LIMA1: variants seen among roughly 807,000 people sequenced by gnomAD.
The protein encoded by LIMA1 is LIM domain and actin binding 1.
Under a neutral mutation model 62.6 loss-of-function variants are expected in LIMA1, and 52 were observed. That is an observed-to-expected ratio of 0.83 (90% confidence interval 0.67 to 1.05). The LOEUF is 1.05. LIMA1 is among the 50% of genes least tolerant of loss of function. The pLI is 0.00. For synonymous variants in LIMA1, 302 were observed against 317.8 expected (o/e 0.95, Z 0.53); for missense variants, 780 against 902.2 (o/e 0.86, Z 1.74).
intron 8 of LIMA1, among the ~76,000 whole-genome samples, chr12:50,192,828 G>A (rs1940808084): frequency 6.6e-6 from 1 of 152,154 alleles, no homozygotes; most frequent in African/African-American, 2.4e-5. Flanking sequence ...TCTGTATAAA[G>A]AACTTTCTTC....
chr12:50,192,061 G>A (rs185559128), intron 9 of LIMA1, among the ~76,000 whole-genome samples: 2 of 151,230 alleles, frequency 1.3e-5, no homozygotes, highest in South Asian at 2.1e-4. Flanking sequence ...CTTGAACATG[G>A]GGGGGCGGAG....
chr12:50,233,827 T>C lies in LIMA1; in HGVS notation c.120-2117A>G, dbSNP rs184846664. On this transcript the variant is annotated intron_variant, in intron 2 of 10. Coordinates refer to ENST00000341247, the MANE Select transcript of LIMA1 (RefSeq NM_016357.5). ...GGCTTGAGCCACAGCACACAGCTAT[T>C]ATTATATGTTTTAAATGCCACTTAA... 2.9e-3 allele frequency among the ~76,000 whole-genome samples: 439 copies of C among 151,864 alleles called. 2 individuals carry two copies. Among genetic ancestry groups the C allele is most frequent in the Middle Eastern group, 0.014 (4 of 294 alleles).
At position 50,178,050 on chromosome 12, in the gene LIMA1, A is replaced by C; in HGVS notation, c.1294T>G (p.Leu432Val). 6.5e-7 allele frequency: 1 copy of C among 1,535,290 alleles called. No individual in the cohort carries two copies. Among genetic ancestry groups the C allele is most frequent in the East Asian group, 2.3e-5 (1 of 43,546 alleles). The change falls in exon 11 of 11, where the codon TTA becomes GTA. Residue 432 changes from leucine (L) to valine (V), a missense_variant. Transcript: ENST00000341247. The stretch of plus-strand genomic sequence containing the variant: ...GGCTTACAATAGATTCTTCCATGTA[A>C]AGATGCATATGTTCCTAGACTGTCA... ...NKLSLGTYAS[L>V]HGRIYCKPHF...
At chr12:50,193,173 T>C (rs192511539) in intron 8 of LIMA1, among the ~76,000 whole-genome samples, 50 of 152,096 alleles carry the variant, frequency 3.3e-4, no homozygotes, top group Non-Finnish European at 5.6e-4. Flanking sequence ...AAGAGGTGAG[T>C]CAACAAAGTA....
In LIMA1 at chr12:50,206,067, A is replaced by T. The variant is rs1941147037; in HGVS notation, c.632T>A (p.Ile211Asn). ...FEKGEPTQTK[I>N]LRAQSRSASG... is the part of the protein sequence containing the mutation. ...TGCACTTCGGCTTTGGGCCCGGAGA[A>T]TCTGGAAAACGAAACCCAACGATAA... Residue 211 changes from isoleucine to asparagine, a missense_variant and splice_region_variant, in exon 5 of 11, where the codon ATT becomes AAT. Ile to Asn is a moderately radical substitution (Grantham distance 149). Coordinates refer to ENST00000341247, the MANE Select transcript of LIMA1 (RefSeq NM_016357.5). 1 of 1,611,332 alleles carries T rather than the reference A, an allele frequency of 6.2e-7. No individual in the cohort carries two copies. Among genetic ancestry groups the T allele is most frequent in the Non-Finnish European group, 8.5e-7 (1 of 1,178,276 alleles).
At chr12:50,204,818 C>A in intron 5 of LIMA1, 118 bp from the exon 6 acceptor site, 1 of 922,234 alleles carries the variant, frequency 1.1e-6, no homozygotes, top group Non-Finnish European at 1.6e-6. Flanking sequence ...CTCCTGAGCT[C>A]AAGATATCCT....
intron 1 of LIMA1, among the ~76,000 whole-genome samples, chr12:50,263,824 T>C (rs1026529189): frequency 8.2e-6 from 1 of 122,578 alleles, no homozygotes; most frequent in East Asian, 2.3e-4. Context: ...TCTATATATA[T>C]ATAGAGAGAG....
chr12:50,258,639 C>CTT (rs34324226), intron 1 of LIMA1, among the ~76,000 whole-genome samples: 58 of 67,410 alleles, frequency 8.6e-4, no homozygotes, highest in Middle Eastern at 0.013. Context: ...TCTACCTATA[C>CTT]TTTTTTTTTT....
At chr12:50,220,920 G>A (rs1030522146) in intron 4 of LIMA1, among the ~76,000 whole-genome samples, 2 of 152,074 alleles carry the variant, frequency 1.3e-5, no homozygotes, top group South Asian at 2.1e-4. Context: ...TTTACACATC[G>A]TCAAAAACTC....
At chr12:50,186,587 C>T (rs1327582413) in intron 9 of LIMA1, 5 of 152,482 alleles carry the variant, frequency 3.3e-5, no homozygotes, top group South Asian at 2.1e-4. Context: ...CTTATCCAAT[C>T]GCTCCAGTGA....
rs11359577 is a variant in LIMA1, at chr12:50,190,534, A to AT, written c.1140+1917dup. ...AGGCATGTGCCACCATGCCCGGCTA[A>AT]TTTTTTTTTTTTTTTTTGTACTTTT... is the stretch of plus-strand genomic sequence containing the variant. On this transcript the variant is annotated intron_variant, in intron 9 of 10. Transcript: ENST00000341247. Among the ~76,000 whole-genome samples the AT allele has an allele frequency of 6.6e-3, 818 of 124,044 alleles. 2 individuals carry two copies. Among genetic ancestry groups the AT allele is most frequent in the Non-Finnish European group, 8.9e-3 (535 of 60,392 alleles). 81.4% of individuals were successfully genotyped at this position (124,044 alleles called of 152,430 possible). A position where few individuals can be genotyped will look rare whatever the true frequency, so the allele number is the denominator to read the frequency against.
At position 50,177,802 on chromosome 12, in the gene LIMA1, AGAG is replaced by A; in HGVS notation, c.1539_1541del (p.Ser514del). 1 of 1,613,946 alleles carries A rather than the reference AGAG, an allele frequency of 6.2e-7. No homozygotes were observed. The highest frequency in any genetic ancestry group is 1.1e-5 in the South Asian group (1 of 91,062). The stretch of plus-strand genomic sequence containing the variant: ...CTGGCTTGTCTTCCTTCTCCTGCTG[AGAG>A]GAGGCCTTGGCTTCCATACTTGCAG... On this transcript the variant is annotated inframe_deletion, in exon 11 of 11. Transcript: ENST00000341247.
At chr12:50,206,326 G>A (rs1370056913) in intron 4 of LIMA1, among the ~76,000 whole-genome samples, 1 of 152,010 alleles carries the variant, frequency 6.6e-6, no homozygotes, top group East Asian at 1.9e-4. Context: ...CTTATTGGAG[G>A]GGAATCCTCA....
At chr12:50,204,748 C>A in intron 5 of LIMA1, 48 bp from the exon 6 acceptor site, 1 of 1,578,910 alleles carries the variant, frequency 6.3e-7, no homozygotes, top group South Asian at 1.1e-5. Context: ...GAGATGGGGT[C>A]TCACTCTATC....
At position 50,200,837 on chromosome 12, in the gene LIMA1, C is replaced by A. The variant is rs1314791631; in HGVS notation, c.912G>T (p.Glu304Asp). ...GACCTGGGGGCACATTCTCCTTTTG[C>A]TCCATTTTATGAATTTTGATTTCGC... is the stretch of plus-strand genomic sequence containing the variant. ...SGGEIKIHKM[E>D]QKENVPPGPE... is the part of the protein sequence containing the mutation. Residue 304 changes from glutamate (E) to aspartate (D), a missense_variant, in exon 7 of 11, where the codon GAG becomes GAT. Glu to Asp is a conservative substitution (Grantham distance 45). Coordinates refer to ENST00000341247, the MANE Select transcript of LIMA1 (RefSeq NM_016357.5). The A allele has an allele frequency of 6.2e-7, 1 of 1,614,148 alleles. No homozygotes were observed. Among genetic ancestry groups the A allele is most frequent in the Admixed American group, 1.7e-5 (1 of 60,016 alleles).
chr12:50,187,746 TTC>T (rs1333502901), intron 9 of LIMA1: 2 of 152,162 alleles, frequency 1.3e-5, no homozygotes, highest in Admixed American at 6.5e-5. Flanking sequence ...GAGTGCCATG[TTC>T]TCTCTCAACA....
rs772927024 is a variant in LIMA1 at position 50,200,814 on chromosome 12, C to T, written c.935G>A (p.Gly312Asp). The T allele has an allele frequency of 6.2e-7, 1 of 1,614,054 alleles. No homozygotes were observed. The highest frequency in any genetic ancestry group is 8.5e-7 in the Non-Finnish European group (1 of 1,180,032). Reference sequence around the variant, plus strand: ...CTGATGGGTGATGCAGACCTCAGGACCTGGGGGCACATTCTCCTTTTGCTC... The same window carrying T: ...CTGATGGGTGATGCAGACCTCAGGATCTGGGGGCACATTCTCCTTTTGCTC... ...KMEQKENVPP[G>D]PEVCITHQEG... is the part of the protein sequence containing the mutation. The change falls in exon 7 of 11, where the codon GGT becomes GAT. Residue 312 changes from glycine to aspartate, a missense_variant. By Grantham distance (94) the Gly-to-Asp change is moderately conservative. Transcript: ENST00000341247.
At chr12:50,263,490 C>G (rs112945158) in intron 1 of LIMA1, among the ~76,000 whole-genome samples, 35 of 152,178 alleles carry the variant, frequency 2.3e-4, no homozygotes, top group African/African-American at 7.9e-4. Flanking sequence ...TGAAAAAGAA[C>G]AGAATGCAAT....
rs992497703 is a variant in LIMA1 at position 50,248,594 on chromosome 12, C to T, written c.119+39G>A. 3 of 1,283,740 alleles carry T rather than the reference C, an allele frequency of 2.3e-6. No individual in the cohort carries two copies. In the South Asian group the frequency reaches 3.6e-5, roughly 15 times the overall value. 79.5% of individuals were successfully genotyped at this position (1,283,740 alleles called of 1,614,324 possible). ...TCCCTGACAGGTGGCAATGTGTGCT[C>T]CAGACAGATGGTCCTTTTGGACCAG... On this transcript the variant is annotated intron_variant, in intron 2 of 10. Coordinates refer to ENST00000341247, the MANE Select transcript of LIMA1 (RefSeq NM_016357.5).
Sources: gnomAD v4.1 joint callset for allele counts (sites outside exome capture counted in the v4.1 genomes callset) on GRCh38, gnomAD v4.1.1 for gene constraint, MANE v1.5 for transcripts, NCBI Gene and HGNC (gene_info 2026-07-23, HGNC 2026-07-21) for gene names.